PTPRD: variants seen among roughly 807,000 people sequenced by gnomAD.
PTPRD encodes receptor-type tyrosine-protein phosphatase delta.
In PTPRD, 34 loss-of-function variants were observed where a neutral mutation model predicts 214.5. The ratio of observed to expected loss-of-function variants is 0.16; its 90% CI spans 0.12 to 0.21. The LOEUF (loss-of-function observed/expected upper bound fraction) is 0.21, where lower values mean the gene tolerates loss of function less well. Among genes scored for constraint, PTPRD ranks in the 10% least tolerant of loss-of-function variants. PTPRD has a pLI of 1.00. For synonymous variants in PTPRD, 1,128 were observed against 845.7 expected (o/e 1.33, Z -5.79); for missense variants, 2,545 against 2,398.7 (o/e 1.06, Z -1.27).
chr9:10,314,576 A>G (rs1308553607), intron 3 of PTPRD, among the ~76,000 whole-genome samples: 2 of 151,926 alleles, frequency 1.3e-5, no homozygotes. Context: ...GAAGTTTGGG[A>G]GAGAGCTCAA....
chr9:8,776,931 A>G (rs1171327146), intron 11 of PTPRD, among the ~76,000 whole-genome samples: 1 of 143,696 alleles, frequency 7.0e-6, no homozygotes, highest in Non-Finnish European at 1.5e-5. Flanking sequence ...ATATATAAAT[A>G]TGATGTAATA....
intron 2 of PTPRD, among the ~76,000 whole-genome samples, chr9:10,541,708 CAT>C (rs1185333668): frequency 6.6e-6 from 1 of 151,864 alleles, no homozygotes; most frequent in African/African-American, 2.4e-5. Context: ...AAGGCACTAA[CAT>C]GTTTAATACT....
At chr9:9,220,151 C>T (rs753987503) in intron 9 of PTPRD, among the ~76,000 whole-genome samples, 1 of 151,962 alleles carries the variant, frequency 6.6e-6, no homozygotes, top group Non-Finnish European at 1.5e-5. Flanking sequence ...GAAAATAAAT[C>T]ATTGAAGGAC....
At chr9:10,172,761 A>T (rs1268738454) in intron 3 of PTPRD, among the ~76,000 whole-genome samples, 1 of 152,200 alleles carries the variant, frequency 6.6e-6, no homozygotes, top group Non-Finnish European at 1.5e-5. Flanking sequence ...ATCCAATCAC[A>T]GGCCTGCTAG....
intron 10 of PTPRD, among the ~76,000 whole-genome samples, chr9:9,139,033 C>T (rs1454010351): frequency 6.6e-6 from 1 of 152,018 alleles, no homozygotes; most frequent in Non-Finnish European, 1.5e-5. Flanking sequence ...AATAGCAGAG[C>T]CAGGATAGAC....
chr9:8,923,494 T>G (rs534793542), intron 11 of PTPRD, among the ~76,000 whole-genome samples: 1 of 151,840 alleles, frequency 6.6e-6, no homozygotes, highest in African/African-American at 2.4e-5. Flanking sequence ...CTGGAGAAGA[T>G]GAGGAGGTCA....
chr9:9,529,918 C>T, intron 8 of PTPRD, among the ~76,000 whole-genome samples: 1 of 151,762 alleles, frequency 6.6e-6, no homozygotes, highest in South Asian at 2.1e-4. Context: ...ATTTATGCAG[C>T]TGTATAAATA....
chr9:9,575,413 G>A (rs917727657), intron 7 of PTPRD, among the ~76,000 whole-genome samples: 4 of 151,864 alleles, frequency 2.6e-5, no homozygotes, highest in South Asian at 2.1e-4. Flanking sequence ...TTACCATTGT[G>A]TGTGACTTTA....
chr9:8,820,727 C>CCACA lies in PTPRD; in HGVS notation c.-103-86785_-103-86782dup, dbSNP rs141466292. 3.5e-3 allele frequency among the ~76,000 whole-genome samples: 522 copies of CCACA among 150,786 alleles called. 3 individuals are homozygous for CCACA. Among genetic ancestry groups the CCACA allele is most frequent in the African/African-American group, 0.012 (491 of 41,174 alleles). On this transcript the variant is annotated intron_variant, in intron 11 of 45. Transcript: ENST00000381196. ...AATTAAAATATATACATACTACACACCACACACACACACACACTTTTTGTG... is the reference window on the plus strand; with the variant it reads ...AATTAAAATATATACATACTACACACCACACACACACACACACACACTTTTTGTG...
intron 4 of PTPRD, among the ~76,000 whole-genome samples, chr9:10,032,716 G>A (rs943554805): frequency 1.3e-5 from 2 of 152,146 alleles, no homozygotes; most frequent in Admixed American, 6.6e-5. Flanking sequence ...ACTTCTGGAA[G>A]TTGATAAAAA....
intron 5 of PTPRD, among the ~76,000 whole-genome samples, chr9:9,929,683 C>T (rs927176825): frequency 5.3e-5 from 8 of 152,112 alleles, no homozygotes; most frequent in Admixed American, 1.3e-4. Flanking sequence ...CAAGCCACAG[C>T]GCCTGGCCAA....
intron 3 of PTPRD, among the ~76,000 whole-genome samples, chr9:10,272,488 T>G (rs1564928288): frequency 6.6e-6 from 1 of 152,230 alleles, no homozygotes; most frequent in African/African-American, 2.4e-5. Context: ...CTTTGTTTTT[T>G]GAAAACAGGA....
At chr9:8,448,689 A>C (rs1212214877) in intron 34 of PTPRD, among the ~76,000 whole-genome samples, 1 of 152,216 alleles carries the variant, frequency 6.6e-6, no homozygotes, top group Non-Finnish European at 1.5e-5. Context: ...CTTTCAATTG[A>C]AGAGTTACTA....
chr9:8,953,254 A>G (rs2099113123), intron 11 of PTPRD, among the ~76,000 whole-genome samples: 1 of 151,840 alleles, frequency 6.6e-6, no homozygotes, highest in Non-Finnish European at 1.5e-5. Context: ...GAGAAATGAG[A>G]AATGCCCAGA....
chr9:9,598,393 C>A (rs1361462590), intron 7 of PTPRD, among the ~76,000 whole-genome samples: 1 of 151,910 alleles, frequency 6.6e-6, no homozygotes, highest in African/African-American at 2.4e-5. Context: ...CTTTACTATT[C>A]TCTCTATCCT....
chr9:8,449,816 A>G lies in PTPRD; in HGVS notation c.3897T>C (p.Ser1299=). Residue 1299 remains serine (S), a synonymous_variant, in exon 34 of 46, where the codon TCT becomes TCC. Transcript: ENST00000381196. The stretch of plus-strand genomic sequence containing the variant: ...TATTGTTCGGTATGCTGCTTTTTCT[A>G]GAGTCGGACTCTGCCCTCTTCCTAT... ...LYKRKRAESD[S]RKSSIPNNKE... is the part of the protein sequence containing the mutation. 1.2e-6 allele frequency: 2 copies of G among 1,614,040 alleles called. No individual in the cohort carries two copies. Among genetic ancestry groups the G allele is most frequent in the Non-Finnish European group, 1.7e-6 (2 of 1,179,926 alleles).
intron 2 of PTPRD, among the ~76,000 whole-genome samples, chr9:10,455,133 T>C (rs1395530431): frequency 2.0e-5 from 3 of 151,870 alleles, no homozygotes; most frequent in African/African-American, 7.2e-5. Context: ...ACTCAAAGCT[T>C]ATCAATGATC....
rs1219587496 is a variant in PTPRD, at chr9:8,948,493, TTA to T, written c.-104+70202_-104+70203del. ...CATATATATATATTTATATATATAT[TTA>T]TATATATATTTATATATATATATTT... On this transcript the variant is annotated intron_variant, in intron 11 of 45. Transcript: ENST00000381196. Among the ~76,000 whole-genome samples the T allele has an allele frequency of 4.2e-3, 204 of 48,416 alleles. 35 individuals carry two copies. The highest frequency in any genetic ancestry group is 0.017 in the African/African-American group (182 of 10,984). The allele number at this position is 48,416 out of a possible 152,430, so 31.8% of individuals were successfully genotyped here.
intron 12 of PTPRD, among the ~76,000 whole-genome samples, chr9:8,726,349 G>A (rs1476007239): frequency 6.6e-6 from 1 of 151,418 alleles, no homozygotes; most frequent in South Asian, 2.1e-4. Flanking sequence ...AGCACTTTGG[G>A]AAGCCAAGGC....
Sources: gnomAD v4.1 joint callset for allele counts (sites outside exome capture counted in the v4.1 genomes callset) on GRCh38, gnomAD v4.1.1 for gene constraint, MANE v1.5 for transcripts, NCBI Gene and HGNC (gene_info 2026-07-23, HGNC 2026-07-21) for gene names.